Variants in MLIP observed in about 807,000 individuals in gnomAD.
MLIP encodes muscular LMNA interacting protein.
A neutral mutation model predicts 84.8 loss-of-function variants in MLIP; 79 were observed. That is an observed-to-expected ratio of 0.93 (90% CI 0.78 to 1.12). The LOEUF is 1.12. Among genes scored for constraint, MLIP ranks in the 50% most tolerant of loss-of-function variants. The pLI, the probability that MLIP is intolerant of heterozygous loss-of-function variation, is 0.00. For synonymous variants in MLIP, 504 were observed against 463.0 expected (o/e 1.09, Z -1.14); for missense variants, 1,257 against 1,160.6 (o/e 1.08, Z -1.21).
intron 4 of MLIP, among the ~76,000 whole-genome samples, chr6:54,144,329 TG>T (rs1345466518): frequency 6.6e-6 from 1 of 152,132 alleles, no homozygotes; most frequent in Admixed American, 6.5e-5. Context: ...TTGGACATGG[TG>T]GTAGTGAGGC....
intron 9 of MLIP, among the ~76,000 whole-genome samples, chr6:54,183,743 GTTT>G (rs3996970): frequency 6.0e-4 from 70 of 116,734 alleles, no homozygotes; most frequent in African/African-American, 1.9e-3. Flanking sequence ...GACAGGGTAA[GTTT>G]TTTTTTTTTT....
At chr6:54,235,928 G>T (rs12200502) in intron 12 of MLIP, among the ~76,000 whole-genome samples, 1 of 151,976 alleles carries the variant, frequency 6.6e-6, no homozygotes, top group African/African-American at 2.4e-5. Context: ...TTCTTCACTA[G>T]CATGGCATGT....
At chr6:54,119,464 C>T (rs1029009261) in intron 1 of MLIP, among the ~76,000 whole-genome samples, 3 of 152,120 alleles carry the variant, frequency 2.0e-5, no homozygotes, top group Non-Finnish European at 4.4e-5. Context: ...TGATCTCACT[C>T]ATATGTAGAA....
At position 54,038,393 on chromosome 6, in the gene MLIP, C is replaced by T. The variant is rs1160966170; in HGVS notation, c.63+19302C>T. On this transcript the variant is annotated intron_variant, in intron 1 of 12. Coordinates refer to the MLIP transcript ENST00000274897. ...TTTGTCTGTGACGAGGTTTTACTCA[C>T]TCGAGTAAATGAGGAGAATAAGAAC... Among the ~76,000 whole-genome samples the T allele has an allele frequency of 3.9e-5, 6 of 151,912 alleles. No homozygotes were observed. The East Asian group carries it at 7.7e-4, about 20-fold the overall frequency.
intron 10 of MLIP, among the ~76,000 whole-genome samples, chr6:54,192,906 A>G (rs958460576): frequency 1.3e-5 from 2 of 152,202 alleles, no homozygotes; most frequent in Admixed American, 6.5e-5. Flanking sequence ...TATATGACAA[A>G]GTGCTATGGT....
chr6:54,083,443 T>C (rs1202269216), intron 1 of MLIP: 5 of 1,514,024 alleles, frequency 3.3e-6, no homozygotes, highest in Non-Finnish European at 4.4e-6. Context: ...GTACAGTGCT[T>C]TGTCATCTTT....
At chr6:54,207,576 TAA>T (rs1779124878) in intron 11 of MLIP, among the ~76,000 whole-genome samples, 1 of 152,176 alleles carries the variant, frequency 6.6e-6, no homozygotes, top group Non-Finnish European at 1.5e-5. Context: ...GTAAAAATCT[TAA>T]AGAGATTTTT....
At chr6:54,243,464 A>G (rs1315128376) in intron 12 of MLIP, among the ~76,000 whole-genome samples, 3 of 152,196 alleles carry the variant, frequency 2.0e-5, no homozygotes, top group African/African-American at 7.2e-5. Flanking sequence ...GGGGGGAAAA[A>G]GCAGGGAGTG....
At chr6:54,151,404 T>C (rs1773431751) in intron 5 of MLIP, among the ~76,000 whole-genome samples, 1 of 152,202 alleles carries the variant, frequency 6.6e-6, no homozygotes, top group African/African-American at 2.4e-5. Context: ...CTCATCTGTT[T>C]ATACAATAGA....
chr6:54,143,023 C>T (rs1772453008), intron 4 of MLIP, among the ~76,000 whole-genome samples: 1 of 151,972 alleles, frequency 6.6e-6, no homozygotes, highest in South Asian at 2.1e-4. Flanking sequence ...CTTGAGAATC[C>T]TTGACTTTCC....
In MLIP at chr6:54,136,864, T is replaced by A. The variant is rs1447618304; in HGVS notation, c.795T>A (p.Asp265Glu). ...AGGAGTTCCACACTAGGAGGCTGGA[T>A]GTCGGTGGGGCCGTGGTGGAAGAAT... ...VLEEFHTRRL[D>E]VGGAVVEESA... is the part of the protein sequence containing the mutation. Residue 265 changes from aspartate to glutamate, a missense_variant, in exon 4 of 14, where the codon GAT becomes GAA. Transcript: ENST00000502396. 6.5e-7 allele frequency: 1 copy of A among 1,535,242 alleles called. No homozygotes were observed. The highest frequency in any genetic ancestry group is 8.7e-7 in the Non-Finnish European group (1 of 1,146,156).
At chr6:54,164,077 T>A (rs554045148) in intron 8 of MLIP, among the ~76,000 whole-genome samples, 37 of 152,106 alleles carry the variant, frequency 2.4e-4, no homozygotes, top group Non-Finnish European at 4.1e-4. Context: ...CTATAGTTTT[T>A]AAAACTTTAT....
intron 13 of MLIP, among the ~76,000 whole-genome samples, chr6:54,265,677 C>T (rs1783645667): frequency 6.6e-6 from 1 of 152,030 alleles, no homozygotes; most frequent in South Asian, 2.1e-4. Context: ...CCCCTCAAAA[C>T]CATCATGGCA....
intron 1 of MLIP, among the ~76,000 whole-genome samples, chr6:54,082,103 G>A (rs554719391): frequency 6.6e-6 from 1 of 152,108 alleles, no homozygotes; most frequent in Admixed American, 6.5e-5. Flanking sequence ...TGATAACATG[G>A]TAGTTATTCT....
chr6:54,034,393 G>T (rs1401583152), intron 1 of MLIP, among the ~76,000 whole-genome samples: 1 of 152,066 alleles, frequency 6.6e-6, no homozygotes, highest in Non-Finnish European at 1.5e-5. Context: ...TGATGTTTTG[G>T]TCAATGATGA....
At position 54,106,210 on chromosome 6, in the gene MLIP, C is replaced by A. The variant is rs9370263; in HGVS notation, c.64-15237C>A. ...GATTCCTCTCTAGAGTTGTTTCAAG[C>A]TGGAGTGAGGGGGCCAGGATTTTAT... On this transcript the variant is annotated intron_variant, in intron 1 of 12. Coordinates refer to the MLIP transcript ENST00000274897. 5.8e-4 allele frequency among the ~76,000 whole-genome samples: 89 copies of A among 152,174 alleles called. No homozygotes were observed. In the East Asian group the frequency reaches 7.7e-3, roughly 13 times the overall value.
At chr6:54,220,232 T>G (rs1410247473) in intron 11 of MLIP, among the ~76,000 whole-genome samples, 2 of 152,194 alleles carry the variant, frequency 1.3e-5, no homozygotes, top group East Asian at 1.9e-4. Context: ...ATTTTTGCCT[T>G]GAGTTTTAAC....
At chr6:54,106,829 A>G (rs1319362242), upstream of MLIP, among the ~76,000 whole-genome samples, 1 of 152,212 alleles carries the variant, frequency 6.6e-6, no homozygotes, top group East Asian at 1.9e-4. Flanking sequence ...GAAGCCATCC[A>G]GTCTGGGGAA....
chr6:54,127,888 G>A (rs752702207), intron 3 of MLIP, among the ~76,000 whole-genome samples: 2 of 152,090 alleles, frequency 1.3e-5, no homozygotes, highest in Non-Finnish European at 2.9e-5. Context: ...AAAGAGACTT[G>A]AATGTTCATG....
Sources: gnomAD v4.1 joint callset for allele counts (sites outside exome capture counted in the v4.1 genomes callset) on GRCh38, gnomAD v4.1.1 for gene constraint, MANE v1.5 for transcripts, NCBI Gene and HGNC (gene_info 2026-07-23, HGNC 2026-07-21) for gene names.